The following RPS29 variants were observed in gnomAD, a reference collection of about 807,000 sequenced individuals.
RPS29 encodes the protein small ribosomal subunit protein uS14.
For missense variants in RPS29, 60 were observed against 75.7 expected (o/e 0.79, Z 0.77); for synonymous variants, 37 against 26.9 (o/e 1.37, Z -1.16).
chr14:49,571,701 C>T (rs901423333), exon 3 of RPS29: 60 of 152,260 alleles, frequency 3.9e-4, no homozygotes, highest in African/African-American at 1.4e-3. Flanking sequence ...GTGAAGCATC[C>T]TGGTTGGTGA....
intron 2 of RPS29, chr14:49,585,681 C>G (rs544637808): frequency 1.9e-5 from 9 of 471,980 alleles, no homozygotes; most frequent in Non-Finnish European, 3.4e-5. Flanking sequence ...TCACCAAACA[C>G]AATACACGGC....
chr14:49,580,523 T>G (rs983418396), downstream of RPS29, among the ~76,000 whole-genome samples: 1 of 152,172 alleles, frequency 6.6e-6, no homozygotes, highest in Non-Finnish European at 1.5e-5. Flanking sequence ...ATCCCTAACT[T>G]CTACAAGCTC....
exon 3 of RPS29, chr14:49,575,799 A>G (rs1015117248): frequency 6.6e-6 from 1 of 152,204 alleles, no homozygotes; most frequent in Admixed American, 6.5e-5. Context: ...GCAATAAGCC[A>G]TGTTTGTGCC....
chr14:49,582,140 CTTAAG>C (rs1261226998), downstream of RPS29, among the ~76,000 whole-genome samples: 1 of 151,750 alleles, frequency 6.6e-6, no homozygotes, highest in East Asian at 1.9e-4. Flanking sequence ...GTGAAATGAA[CTTAAG>C]TTCATTGCTG....
At chr14:49,584,637 G>A (rs952967469) in intron 2 of RPS29, among the ~76,000 whole-genome samples, 1 of 151,916 alleles carries the variant, frequency 6.6e-6, no homozygotes, top group Non-Finnish European at 1.5e-5. Flanking sequence ...GGTGGCAGAC[G>A]CCTGTAATCC....
At chr14:49,591,218 C>T (rs1238456406), upstream of RPS29, among the ~76,000 whole-genome samples, 1 of 152,142 alleles carries the variant, frequency 6.6e-6, no homozygotes, top group Non-Finnish European at 1.5e-5. Context: ...AAGTCTTTCT[C>T]CAACCCTAGA....
downstream of RPS29, among the ~76,000 whole-genome samples, chr14:49,583,277 G>T (rs148900251): frequency 8.3e-4 from 127 of 152,322 alleles, 2 homozygotes; most frequent in African/African-American, 3.0e-3. Flanking sequence ...CTTGCCGGGT[G>T]CGGTGGCTCA....
exon 3 of RPS29, chr14:49,576,244 T>A (rs1319439898): frequency 1.3e-5 from 2 of 151,254 alleles, no homozygotes. Flanking sequence ...CCACCACGCC[T>A]GGCTAATTGT....
chr14:49,595,923 G>T (rs1173841580), intron 1 of RPS29, among the ~76,000 whole-genome samples: 1 of 151,262 alleles, frequency 6.6e-6, no homozygotes, highest in Non-Finnish European at 1.5e-5. Context: ...TGAGGCAGGA[G>T]AATCGCTTGA....
downstream of RPS29, among the ~76,000 whole-genome samples, chr14:49,581,709 G>C (rs560774612): frequency 6.6e-6 from 1 of 152,014 alleles, no homozygotes; most frequent in Non-Finnish European, 1.5e-5. Context: ...CCTATCTCCT[G>C]TATCGGTTCC....
exon 3 of RPS29, chr14:49,573,605 C>G (rs1293766607): frequency 6.6e-6 from 1 of 152,040 alleles, no homozygotes; most frequent in Non-Finnish European, 1.5e-5. Flanking sequence ...GACAAAATTA[C>G]ACAATGGTAA....
upstream of RPS29, chr14:49,586,939 T>C (rs1425500150): frequency 6.5e-6 from 1 of 153,632 alleles, no homozygotes; most frequent in Non-Finnish European, 1.5e-5. Flanking sequence ...ATAGTCTTTT[T>C]TATTGATTAA....
At chr14:49,583,289 G>A (rs2139509625), downstream of RPS29, among the ~76,000 whole-genome samples, 1 of 152,296 alleles carries the variant, frequency 6.6e-6, no homozygotes, top group East Asian at 1.9e-4. Flanking sequence ...GGTGGCTCAT[G>A]CCTGTAATCC....
intron 1 of RPS29, among the ~76,000 whole-genome samples, chr14:49,593,064 G>A (rs148955155): frequency 2.0e-4 from 31 of 152,264 alleles, no homozygotes; most frequent in African/African-American, 7.5e-4. Flanking sequence ...CCCCAGGAAT[G>A]AAGGAGAAAT....
downstream of RPS29, among the ~76,000 whole-genome samples, chr14:49,580,364 A>G (rs1882075522): frequency 1.3e-5 from 2 of 152,198 alleles, no homozygotes; most frequent in South Asian, 4.1e-4. Flanking sequence ...CTCATCTCCC[A>G]ATATTCTTCC....
upstream of RPS29, among the ~76,000 whole-genome samples, chr14:49,588,748 C>T (rs774032023): frequency 6.6e-6 from 1 of 151,828 alleles, no homozygotes; most frequent in African/African-American, 2.4e-5. Context: ...AGGCTGGTCT[C>T]GAAGTCCTGA....
At chr14:49,597,741 G>A (rs892018040) in intron 1 of RPS29, 4 of 151,316 alleles carry the variant, frequency 2.6e-5, no homozygotes, top group African/African-American at 9.7e-5. Context: ...GACCTCCCCA[G>A]GCTCAAGTGA....
chr14:49,578,434 T>C (rs1475786306), intron 2 of RPS29, among the ~76,000 whole-genome samples: 2 of 152,110 alleles, frequency 1.3e-5, no homozygotes, highest in Non-Finnish European at 2.9e-5. Context: ...TTCCTTCTGA[T>C]TTTTTTCCCT....
intron 1 of RPS29, among the ~76,000 whole-genome samples, chr14:49,591,842 G>A (rs552214970): frequency 6.7e-6 from 1 of 150,086 alleles, no homozygotes; most frequent in African/African-American, 2.5e-5. Flanking sequence ...GGATGGTCTC[G>A]ATATCCTGAC....
Sources: gnomAD v4.1 joint callset for allele counts (sites outside exome capture counted in the v4.1 genomes callset) on GRCh38, gnomAD v4.1.1 for gene constraint, MANE v1.5 for transcripts, NCBI Gene and HGNC (gene_info 2026-07-23, HGNC 2026-07-21) for gene names.